The following ETV6 variants were observed in gnomAD, a reference collection of about 807,000 sequenced individuals.
The protein encoded by ETV6 is ETS variant transcription factor 6, also known as transcription factor ETV6.
Under a neutral mutation model 51.1 loss-of-function variants are expected in ETV6, and 16 were observed. The ratio of observed to expected loss-of-function variants is 0.31; its 90% CI spans 0.21 to 0.48. The LOEUF is 0.48. Among genes scored for constraint, ETV6 ranks in the 20% least tolerant of loss-of-function variants. The pLI is 0.99. For missense variants in ETV6, 458 were observed against 594.8 expected, an observed-to-expected ratio of 0.77 and a Z score of 2.39; for synonymous variants, 240 against 224.1, an observed-to-expected ratio of 1.07 and a Z score of -0.64.
intron 2 of ETV6, among the ~76,000 whole-genome samples, chr12:11,814,292 G>A (rs1326124406): frequency 1.3e-5 from 2 of 152,024 alleles, no homozygotes; most frequent in Non-Finnish European, 2.9e-5. Context: ...CATAATTTTC[G>A]AGGGCAGTAC....
At chr12:11,760,878 ATGTGTGTGTG>A (rs59373097) in intron 2 of ETV6, among the ~76,000 whole-genome samples, 6 of 148,426 alleles carry the variant, frequency 4.0e-5, no homozygotes, top group South Asian at 2.1e-4. Context: ...TATTATATAT[ATGTGTGTGTG>A]TGTGTGTGTG....
At chr12:11,700,809 G>A (rs1187717784) in intron 1 of ETV6, among the ~76,000 whole-genome samples, 2 of 152,126 alleles carry the variant, frequency 1.3e-5, no homozygotes, top group African/African-American at 4.8e-5. Flanking sequence ...AGATGCGGAG[G>A]AGGCGGGAGG....
chr12:11,790,445 T>C (rs1379536199), intron 2 of ETV6, among the ~76,000 whole-genome samples: 3 of 152,050 alleles, frequency 2.0e-5, no homozygotes, highest in Non-Finnish European at 2.9e-5. Context: ...GGGATGCCAT[T>C]GGGTAAATAT....
chr12:11,822,926 A>C (rs1946101245), intron 2 of ETV6, among the ~76,000 whole-genome samples: 1 of 152,216 alleles, frequency 6.6e-6, no homozygotes, highest in Admixed American at 6.5e-5. Flanking sequence ...TTTCTTGCAA[A>C]GTTTCCAAGG....
At chr12:11,763,882 G>A (rs1450672522) in intron 2 of ETV6, among the ~76,000 whole-genome samples, 2 of 152,332 alleles carry the variant, frequency 1.3e-5, no homozygotes, top group South Asian at 2.1e-4. Context: ...TGTTCAGATA[G>A]CATTACTTTG....
intron 1 of ETV6, among the ~76,000 whole-genome samples, chr12:11,743,299 C>G (rs1159037289): frequency 6.6e-6 from 1 of 152,208 alleles, no homozygotes; most frequent in Non-Finnish European, 1.5e-5. Flanking sequence ...TTTCCAGACT[C>G]ATTTGCGCTT....
chr12:11,874,496 ATATGTGTATGTG>A (rs1221651777), intron 5 of ETV6, among the ~76,000 whole-genome samples: 3 of 7,776 alleles, frequency 3.9e-4, no homozygotes, highest in Admixed American at 2.1e-3. Flanking sequence ...GTGTACACAC[ATATGTGTATGTG>A]CGTGTGTACA....
At chr12:11,743,327 T>A (rs1865845735) in intron 1 of ETV6, among the ~76,000 whole-genome samples, 1 of 152,226 alleles carries the variant, frequency 6.6e-6, no homozygotes, top group Non-Finnish European at 1.5e-5. Context: ...TAGGTAGAAT[T>A]CATGAGGCTT....
chr12:11,738,250 C>CTCCTTCCT (rs1274311569), intron 1 of ETV6, among the ~76,000 whole-genome samples: 25 of 126,376 alleles, frequency 2.0e-4, no homozygotes, highest in African/African-American at 6.1e-4. Flanking sequence ...CCCTCCTTCC[C>CTCCTTCCT]TCCTTCCTTC....
intron 4 of ETV6, among the ~76,000 whole-genome samples, chr12:11,862,638 T>C (rs1946733159): frequency 6.6e-6 from 1 of 152,224 alleles, no homozygotes; most frequent in Non-Finnish European, 1.5e-5. Context: ...TTCCCCTGTG[T>C]ATGTCTGGAA....
intron 7 of ETV6, among the ~76,000 whole-genome samples, chr12:11,886,407 A>C (rs1363966936): frequency 6.6e-6 from 1 of 152,152 alleles, no homozygotes; most frequent in Non-Finnish European, 1.5e-5. Flanking sequence ...AGTATTTGTC[A>C]AAATGCAGGT....
Position 11,884,497 on chromosome 12 carries a change from C to T in ETV6, c.1062C>T (p.Tyr354=), listed in dbSNP as rs374829210. The T allele has an allele frequency of 2.2e-5, 35 of 1,614,022 alleles. No individual in the cohort carries two copies. The highest frequency in any genetic ancestry group is 6.7e-5 in the East Asian group (3 of 44,896). Reference sequence around the variant, plus strand: ...ATCAGTTGCTTTCTGACAGCCGGTACGAAAACTTCATCCGATGGGAGGACA... The same window carrying T: ...ATCAGTTGCTTTCTGACAGCCGGTATGAAAACTTCATCCGATGGGAGGACA... ...YVYQLLSDSR[Y]ENFIRWEDKE... Residue 354 remains tyrosine, a synonymous_variant, in exon 6 of 8, where the codon TAC becomes TAT. Transcript: ENST00000396373.
chr12:11,884,802 T>C (rs950323701), intron 6 of ETV6, among the ~76,000 whole-genome samples: 5 of 152,212 alleles, frequency 3.3e-5, no homozygotes, highest in Non-Finnish European at 7.3e-5. Flanking sequence ...GCCCATTAAC[T>C]CACATATCCT....
chr12:11,746,330 G>A (rs896400711), intron 1 of ETV6, among the ~76,000 whole-genome samples: 1 of 152,224 alleles, frequency 6.6e-6, no homozygotes, highest in African/African-American at 2.4e-5. Context: ...CATCTCCCAA[G>A]CTAGTGACTG....
At chr12:11,680,965 G>A (rs1404662184) in intron 1 of ETV6, among the ~76,000 whole-genome samples, 1 of 152,274 alleles carries the variant, frequency 6.6e-6, no homozygotes, top group East Asian at 1.9e-4. Context: ...GGAAAATGTT[G>A]CACCATCATA....
At position 11,891,086 on chromosome 12, in the gene ETV6, G is replaced by A; in HGVS notation, c.*40G>A. 2 of 1,514,286 alleles carry A rather than the reference G, an allele frequency of 1.3e-6. No homozygotes were observed. The highest frequency in any genetic ancestry group is 1.1e-5 in the South Asian group (1 of 88,998). The allele number at this position is 1,514,286 out of a possible 1,614,324, so 93.8% of individuals were successfully genotyped here. On this transcript the variant is annotated 3_prime_UTR_variant, in exon 8 of 8. Coordinates refer to ENST00000396373, the MANE Select transcript of ETV6 (RefSeq NM_001987.5). ...CACCTCAGCGGGCCAGCAGCCCAGG[G>A]AACCCCTGCCCACCAGGATTGCTGG...
chr12:11,719,974 G>GC (rs1437823773), intron 1 of ETV6, among the ~76,000 whole-genome samples: 1 of 152,254 alleles, frequency 6.6e-6, no homozygotes, highest in South Asian at 2.1e-4. Flanking sequence ...ATCTTTTACC[G>GC]CCCCCTCTCC....
intron 1 of ETV6, among the ~76,000 whole-genome samples, chr12:11,653,899 A>G (rs954509700): frequency 2.6e-5 from 4 of 151,782 alleles, no homozygotes; most frequent in African/African-American, 9.7e-5. Flanking sequence ...TGCAACCTCT[A>G]CCTCCTAGGT....
At chr12:11,662,103 C>T (rs149600438) in intron 1 of ETV6, among the ~76,000 whole-genome samples, 220 of 152,304 alleles carry the variant, frequency 1.4e-3, no homozygotes, top group Admixed American at 2.3e-3. Flanking sequence ...TGTTCCCACC[C>T]TTCCCAACAC....
Sources: allele counts gnomAD v4.1 joint callset (sites outside exome capture counted in the v4.1 genomes callset), GRCh38; gene constraint gnomAD v4.1.1; transcripts MANE v1.5; gene names NCBI Gene and HGNC (gene_info 2026-07-23, HGNC 2026-07-21).